The following SLAMF8 variants were observed in gnomAD, a reference collection of about 807,000 sequenced individuals.
SLAMF8 encodes SLAM family member 8.
SLAMF8 carries 23 observed loss-of-function variants against 29.0 expected under a neutral mutation model. The observed-to-expected ratio is 0.79, with a 90% confidence interval of 0.57 to 1.13. The LOEUF (loss-of-function observed/expected upper bound fraction) is 1.13, where lower values mean the gene tolerates loss of function less well. Ranked by LOEUF, SLAMF8 falls within the 50% of genes most tolerant of loss-of-function variation. The pLI is 0.00. For synonymous variants in SLAMF8, 139 were observed against 145.6 expected, an observed-to-expected ratio of 0.96 and a Z score of 0.32; for missense variants, 381 against 353.1, an observed-to-expected ratio of 1.08 and a Z score of -0.63.
rs267598116 is a variant in SLAMF8, at chr1:159,833,002, G to A, written c.494G>A (p.Arg165Gln). ...ATCAGCGAAATAACCTATAGCTGGC[G>A]ACGGGAGACAACCATGGACTTTGGT... ...PNISEITYSWRRETTMDFGME... is the reference protein window; with the variant it reads ...PNISEITYSWQRETTMDFGME... Residue 165 changes from arginine (R) to glutamine (Q), a missense_variant, in exon 3 of 5, where the codon CGA (arginine) becomes CAA (glutamine). Arg to Gln is a conservative substitution (Grantham distance 43, BLOSUM62 1). Transcript: ENST00000289707. The A allele has an allele frequency of 1.2e-5, 19 of 1,614,078 alleles. No homozygotes were observed. The highest frequency in any genetic ancestry group is 5.3e-5 in the African/African-American group (4 of 74,914).
chr1:159,835,188 A>G lies in SLAMF8; in HGVS notation c.786A>G (p.Lys262=). The change falls in exon 5 of 5, where the codon AAA becomes AAG. Residue 262 remains lysine (K), a synonymous_variant. Transcript: ENST00000289707. Reference sequence around the variant, plus strand: ...TCTTTCTGATGTCCTTACCAGGGAAAAAGAAAAAGGATGTCCATGCTGACA... The same window carrying G: ...TCTTTCTGATGTCCTTACCAGGGAAGAAGAAAAAGGATGTCCATGCTGACA... ...SAWHWCPCSG[K]KKKDVHADRV... 6.2e-7 allele frequency: 1 copy of G among 1,613,958 alleles called. No homozygotes were observed. Among genetic ancestry groups the G allele is most frequent in the Non-Finnish European group, 8.5e-7 (1 of 1,179,932 alleles).
chr1:159,828,606 T>C (rs1647240866), intron 1 of SLAMF8, among the ~76,000 whole-genome samples: 2 of 152,134 alleles, frequency 1.3e-5, no homozygotes, highest in South Asian at 4.1e-4. Context: ...TAAACAGTGG[T>C]GGGCACTGGA....
chr1:159,827,484 G>C (rs1663700817), intron 1 of SLAMF8, among the ~76,000 whole-genome samples: 1 of 152,128 alleles, frequency 6.6e-6, no homozygotes, highest in Non-Finnish European at 1.5e-5. Flanking sequence ...GCCGACGGTG[G>C]TGTGATGTTG....
chr1:159,829,734 A>G (rs1647329007), intron 1 of SLAMF8, 132 bp from the exon 2 acceptor site: 5 of 889,150 alleles, frequency 5.6e-6, no homozygotes, highest in East Asian at 2.5e-5. Flanking sequence ...TACCTAGCAC[A>G]GTGCAACCTC....
intron 1 of SLAMF8, 75 bp downstream of exon 1, chr1:159,827,013 G>A: frequency 6.3e-7 from 1 of 1,584,212 alleles, no homozygotes; most frequent in Non-Finnish European, 8.6e-7. Flanking sequence ...CAGACGTCTG[G>A]GCAGGGATCC....
chr1:159,836,588 G>C lies in SLAMF8; in HGVS notation c.*1328G>C. The C allele has an allele frequency of 5.1e-6, 5 of 985,462 alleles. No homozygotes were observed. Among genetic ancestry groups the C allele is most frequent in the Non-Finnish European group, 6.0e-6 (5 of 829,946 alleles). The allele number at this position is 985,462 out of a possible 1,614,324, so 61.0% of individuals were successfully genotyped here. A position where few individuals can be genotyped will look rare whatever the true frequency, so the allele number is the denominator to read the frequency against. ...GTATTGAAGAAACAGGGGTGGGTTT[G>C]AAGTACTATTTTCCCAGGGTGGCTT... On this transcript the variant is annotated 3_prime_UTR_variant, in exon 5 of 5. Transcript: ENST00000289707.
rs1647933791 is a variant in SLAMF8 at position 159,836,343 on chromosome 1, T to C, written c.*1083T>C. 1.0e-6 allele frequency: 1 copy of C among 985,234 alleles called. No individual in the cohort carries two copies. Among genetic ancestry groups the C allele is most frequent in the Non-Finnish European group, 1.2e-6 (1 of 829,740 alleles). 61.0% of individuals were successfully genotyped at this position (985,234 alleles called of 1,614,324 possible). Reference sequence around the variant, plus strand: ...GACTGTAGAGGTCACTCTGACTCCATCAAACTTTTTATTGTGGCCATCTTA... The same window carrying C: ...GACTGTAGAGGTCACTCTGACTCCACCAAACTTTTTATTGTGGCCATCTTA... On this transcript the variant is annotated 3_prime_UTR_variant, in exon 5 of 5. Transcript: ENST00000289707.
At chr1:159,833,556 T>C (rs1298757436) in intron 4 of SLAMF8, among the ~76,000 whole-genome samples, 187 bp downstream of exon 4, 1 of 152,190 alleles carries the variant, frequency 6.6e-6, no homozygotes, top group Non-Finnish European at 1.5e-5. Flanking sequence ...AAGTCTCTTA[T>C]GTGGTTCTCC....
rs774256644 is a variant in SLAMF8 at position 159,835,216 on chromosome 1, G to A, written c.814G>A (p.Val272Met). The stretch of plus-strand genomic sequence containing the variant: ...GAAAAAGGATGTCCATGCTGACAGA[G>A]TGGGTCCAGAGACAGAGAACCCCCT... ...KKKKDVHADR[V>M]GPETENPLVQ... Residue 272 changes from valine to methionine, a missense_variant, in exon 5 of 5, where the codon GTG becomes ATG. By Grantham distance (21) the Val-to-Met change is conservative. Coordinates refer to ENST00000289707, the MANE Select transcript of SLAMF8 (RefSeq NM_020125.3). 8.1e-5 allele frequency: 130 copies of A among 1,614,008 alleles called. No homozygotes were observed. Among genetic ancestry groups the A allele is most frequent in the Admixed American group, 1.8e-4 (11 of 59,976 alleles).
chr1:159,833,413 T>C, intron 4 of SLAMF8, 44 bp downstream of exon 4: 1 of 1,612,642 alleles, frequency 6.2e-7, no homozygotes, highest in Non-Finnish European at 8.5e-7. Context: ...GGAAGTGGAG[T>C]TCCTGGGGAG....
At position 159,837,331 on chromosome 1, in the gene SLAMF8, A is replaced by G. The variant is rs753817235; in HGVS notation, c.*2071A>G. 20 of 982,232 alleles carry G rather than the reference A, an allele frequency of 2.0e-5. No homozygotes were observed. Among genetic ancestry groups the G allele is most frequent in the Non-Finnish European group, 2.4e-5 (20 of 827,124 alleles). The allele number at this position is 982,232 out of a possible 1,614,324, so 60.8% of individuals were successfully genotyped here. A position where few individuals can be genotyped will look rare whatever the true frequency, so the allele number is the denominator to read the frequency against. ...CTGTGAGACCAATTTTGTGCTAATG[A>G]GCATTGAGACTGATGCTTTGTAAGT... On this transcript the variant is annotated 3_prime_UTR_variant, in exon 5 of 5. Transcript: ENST00000289707.
chr1:159,831,478 AC>A (rs1255532200), intron 2 of SLAMF8, among the ~76,000 whole-genome samples: 3 of 139,558 alleles, frequency 2.1e-5, no homozygotes, highest in Non-Finnish European at 4.6e-5. Flanking sequence ...TTACCCTGTG[AC>A]CCCCCTTAGC....
intron 4 of SLAMF8, chr1:159,834,364 C>T (rs578025483): frequency 1.3e-4 from 20 of 152,414 alleles, no homozygotes; most frequent in Admixed American, 1.3e-3. Context: ...TGAGCCTGCA[C>T]TCCACCTGAA....
rs202108014 is a variant in SLAMF8, at chr1:159,833,181, G to T, written c.673G>T (p.Ala225Ser). 1.2e-6 allele frequency: 2 copies of T among 1,614,020 alleles called. No homozygotes were observed. The highest frequency in any genetic ancestry group is 1.7e-6 in the Non-Finnish European group (2 of 1,179,918). Residue 225 changes from alanine to serine, a missense_variant and splice_region_variant, in exon 3 of 5, where the codon GCA (alanine) becomes TCA (serine). Ala to Ser is a moderately conservative substitution (Grantham distance 99). Coordinates refer to ENST00000289707, the MANE Select transcript of SLAMF8 (RefSeq NM_020125.3). ...CTGGGATAGCTGTCATCATGAGGCA[G>T]GTATGCTAAGGGCCAGCAGTCAGTG... ...TPWDSCHHEA[A>S]PGKASYKDVL...
At chr1:159,832,797 T>TG (rs777818133) in intron 2 of SLAMF8, 79 bp from the exon 3 acceptor site, 39 of 1,509,218 alleles carry the variant, frequency 2.6e-5, no homozygotes, top group Non-Finnish European at 3.3e-5. Flanking sequence ...CATCTAACCC[T>TG]GGGTAGATCC....
rs746968455 is a variant in SLAMF8, at chr1:159,826,910, G to GC, written c.16dup (p.Leu6ProfsTer42). On this transcript the variant is annotated frameshift_variant, in exon 1 of 5. Coordinates refer to ENST00000289707, the MANE Select transcript of SLAMF8 (RefSeq NM_020125.3). LOFTEE classifies it high-confidence loss of function. ...CTCTCCAGAGAAAGATGGTCATGAG[G>GC]CCCCTGTGGAGTCTGCTTCTCTGGG... 33 of 1,614,016 alleles carry GC rather than the reference G, an allele frequency of 2.0e-5. No individual in the cohort carries two copies. In the African/African-American group the frequency reaches 4.0e-4, roughly 20 times the overall value.
At chr1:159,831,810 A>T (rs1168256047) in intron 2 of SLAMF8, among the ~76,000 whole-genome samples, 1 of 152,242 alleles carries the variant, frequency 6.6e-6, no homozygotes, top group Non-Finnish European at 1.5e-5. Context: ...GTTACTAGAA[A>T]TGTCAATGGG....
intron 4 of SLAMF8, chr1:159,834,490 T>A (rs986807764): frequency 1.3e-5 from 2 of 152,194 alleles, no homozygotes; most frequent in Admixed American, 6.5e-5. Flanking sequence ...AGGGAAAAAA[T>A]ACCTTTATTG....
chr1:159,827,554 T>A (rs1372898069), intron 1 of SLAMF8, among the ~76,000 whole-genome samples: 1 of 152,150 alleles, frequency 6.6e-6, no homozygotes, highest in Non-Finnish European at 1.5e-5. Flanking sequence ...ATCTGATGCC[T>A]GAGTTCCCTT....
Sources: allele counts gnomAD v4.1 joint callset (sites outside exome capture counted in the v4.1 genomes callset), GRCh38; gene constraint gnomAD v4.1.1; transcripts MANE v1.5; gene names NCBI Gene and HGNC (gene_info 2026-07-23, HGNC 2026-07-21).